The following KYNU variants were observed in gnomAD, a reference collection of about 807,000 sequenced individuals.
KYNU encodes the protein kynureninase.
In KYNU, 54 loss-of-function variants were observed where a neutral mutation model predicts 59.2. The ratio of observed to expected loss-of-function variants is 0.91; its 90% confidence interval spans 0.73 to 1.14. The LOEUF is 1.14. Among genes scored for constraint, KYNU ranks in the 50% most tolerant of loss-of-function variants. The pLI, the probability that KYNU is intolerant of heterozygous loss-of-function variation, is 0.00. For missense variants in KYNU, 567 were observed against 554.4 expected (o/e 1.02, Z -0.23); for synonymous variants, 177 against 192.0 (o/e 0.92, Z 0.65).
At chr2:142,941,767 G>A (rs1471704438) in intron 4 of KYNU, among the ~76,000 whole-genome samples, 3 of 152,096 alleles carry the variant, frequency 2.0e-5, no homozygotes, top group African/African-American at 7.2e-5. Context: ...ATCGATAAAG[G>A]AGCATCTGTT....
chr2:142,881,916 C>CTTTTTTTTTTTTTTTT (rs869099302), intron 1 of KYNU, among the ~76,000 whole-genome samples: 6 of 113,172 alleles, frequency 5.3e-5, no homozygotes, highest in Non-Finnish European at 7.0e-5. Flanking sequence ...TTTCTTTTTT[C>CTTTTTTTTTTTTTTTT]TTTTTTTTTT....
In KYNU at chr2:142,920,182, G is replaced by A. The variant is rs1416336856; in HGVS notation, c.290+1453G>A. ...TAAGAACGTAATTTCACAACTTGAT[G>A]TAAGAATGATAGTTTATATAATTTA... On this transcript the variant is annotated intron_variant, in intron 3 of 13. Transcript: ENST00000264170. Among the ~76,000 whole-genome samples the A allele has an allele frequency of 2.6e-5, 4 of 152,302 alleles. No individual in the cohort carries two copies. In the Middle Eastern group the frequency reaches 0.014, roughly 518 times the overall value.
Position 142,960,390 on chromosome 2 carries a change from C to T in KYNU, c.583-234C>T, listed in dbSNP as rs139436595. Among the ~76,000 whole-genome samples the T allele has an allele frequency of 7.3e-4, 111 of 152,104 alleles. 1 individual carries two copies. In the East Asian group the frequency reaches 0.012, roughly 16 times the overall value. ...AAACTGGAGAATAAATCAAGCAATT[C>T]GGCTTTTGAAGACTTTCACTTGAAA... On this transcript the variant is annotated intron_variant, in intron 7 of 13. Transcript: ENST00000264170.
intron 2 of KYNU, among the ~76,000 whole-genome samples, chr2:142,914,348 T>A (rs891484371): frequency 6.6e-6 from 1 of 152,226 alleles, no homozygotes; most frequent in Non-Finnish European, 1.5e-5. Context: ...CAACATGACA[T>A]CTTAGATGAT....
chr2:142,885,489 A>G lies in KYNU; in HGVS notation c.122A>G (p.His41Arg). The G allele has an allele frequency of 6.2e-7, 1 of 1,614,026 alleles. No homozygotes were observed. Among genetic ancestry groups the G allele is most frequent in the Non-Finnish European group, 8.5e-7 (1 of 1,180,018 alleles). Residue 41 changes from histidine (H) to arginine (R), a missense_variant, in exon 2 of 14, where the codon CAC (histidine) becomes CGC (arginine). His to Arg is a conservative substitution (Grantham distance 29, BLOSUM62 0). Coordinates refer to ENST00000264170, the MANE Select transcript of KYNU (RefSeq NM_003937.3). ...LHLDEEDKLR[H>R]FRECFYIPKI... ...CTAGATGAGGAAGATAAGCTGAGGCACTTCAGGGAGTGCTTTTATATTCCC... is the reference window on the plus strand; with the variant it reads ...CTAGATGAGGAAGATAAGCTGAGGCGCTTCAGGGAGTGCTTTTATATTCCC...
chr2:142,986,006 A>G lies in KYNU; in HGVS notation c.887A>G (p.His296Arg), dbSNP rs1178684440. Residue 296 changes from histidine (H) to arginine (R), a missense_variant, in exon 10 of 14, where the codon CAT (histidine) becomes CGT (arginine). Transcript: ENST00000264170. ...AGAFIHEKHAHTIKPALVGWF... is the reference protein window; with the variant it reads ...AGAFIHEKHARTIKPALVGWF... ...GCCTTCATTCATGAAAAGCATGCCC[A>G]TACGATTAAACCTGCGTGAGTACCA... 5.0e-6 allele frequency: 8 copies of G among 1,610,026 alleles called. No individual in the cohort carries two copies. The highest frequency in any genetic ancestry group is 5.9e-6 in the Non-Finnish European group (7 of 1,176,992).
intron 10 of KYNU, among the ~76,000 whole-genome samples, chr2:143,018,084 A>G (rs566263173): frequency 1.4e-4 from 21 of 152,196 alleles, no homozygotes; most frequent in Admixed American, 6.5e-4. Context: ...CTCCCATTCT[A>G]TAGGTTGTAT....
intron 10 of KYNU, among the ~76,000 whole-genome samples, chr2:143,005,403 C>T (rs953935441): frequency 1.3e-5 from 2 of 152,114 alleles, no homozygotes; most frequent in Non-Finnish European, 2.9e-5. Context: ...GAACAAGGCC[C>T]TGCTCATAAG....
chr2:142,932,799 G>T (rs543568158), intron 4 of KYNU, among the ~76,000 whole-genome samples: 10 of 151,898 alleles, frequency 6.6e-5, no homozygotes, highest in Admixed American at 3.3e-4. Context: ...CCAGCATGCC[G>T]GCGTCCTTGC....
chr2:142,969,734 A>T (rs1684661344), intron 8 of KYNU, among the ~76,000 whole-genome samples: 1 of 152,196 alleles, frequency 6.6e-6, no homozygotes, highest in East Asian at 1.9e-4. Context: ...AGCCACCCTT[A>T]TCAAAGCCAT....
At position 143,055,679 on chromosome 2, in the gene KYNU, G is replaced by A. The variant is rs912447214; in HGVS notation, c.*13507G>A. 6.6e-6 allele frequency: 1 copy of A among 152,172 alleles called. No homozygotes were observed. Among genetic ancestry groups the A allele is most frequent in the African/African-American group, 2.4e-5 (1 of 41,326 alleles). 9.4% of individuals were successfully genotyped at this position (152,172 alleles called of 1,614,324 possible). On this transcript the variant is annotated 3_prime_UTR_variant, in exon 14 of 14. Transcript: ENST00000264170. ...GGAAGGAAGGAAGGAAGGAAGGAAG[G>A]AAGGAAAGGGAGGAGAGGAGAGGAG...
At chr2:142,988,458 T>C (rs1478509376) in intron 10 of KYNU, among the ~76,000 whole-genome samples, 2 of 151,978 alleles carry the variant, frequency 1.3e-5, no homozygotes, top group Admixed American at 6.6e-5. Context: ...GGAGATATAA[T>C]CTCTCTTATA....
At position 142,960,631 on chromosome 2, in the gene KYNU, A is replaced by G. The variant is rs1230304188; in HGVS notation, c.590A>G (p.Glu197Gly). ...MRMIKPREGE[E>G]TLRIEDILEV... ...GTGCCTAACTTGATTTAGGGGGAAG[A>G]AACCTTAAGAATAGAGGATATCCTT... Residue 197 changes from glutamate (E) to glycine (G), a missense_variant, in exon 8 of 14, where the codon GAA becomes GGA. Glu to Gly is a moderately conservative substitution (Grantham distance 98). Transcript: ENST00000264170. 1 of 1,613,614 alleles carries G rather than the reference A, an allele frequency of 6.2e-7. No homozygotes were observed. Among genetic ancestry groups the G allele is most frequent in the South Asian group, 1.1e-5 (1 of 91,064 alleles).
At position 143,047,402 on chromosome 2, in the gene KYNU, A is replaced by G. The variant is rs1349784252; in HGVS notation, c.*5230A>G. 1.3e-5 allele frequency: 2 copies of G among 152,164 alleles called. No homozygotes were observed. Among genetic ancestry groups the G allele is most frequent in the African/African-American group, 4.8e-5 (2 of 41,436 alleles). The allele number at this position is 152,164 out of a possible 1,614,324, so 9.4% of individuals were successfully genotyped here. On this transcript the variant is annotated 3_prime_UTR_variant, in exon 14 of 14. Coordinates refer to ENST00000264170, the MANE Select transcript of KYNU (RefSeq NM_003937.3). Reference sequence around the variant, plus strand: ...TGTGTTATCTTTTATAAAATTTAACATTTAACTGATAATTGATACTGTATA... The same window carrying G: ...TGTGTTATCTTTTATAAAATTTAACGTTTAACTGATAATTGATACTGTATA...
intron 9 of KYNU, 108 bp downstream of exon 9, chr2:142,985,290 T>C: frequency 1.4e-6 from 1 of 734,248 alleles, no homozygotes; most frequent in Non-Finnish European, 2.5e-6. Context: ...ACTTTCCCTA[T>C]TTCTTTTATT....
chr2:142,880,096 TG>T (rs2105016012), intron 1 of KYNU, among the ~76,000 whole-genome samples: 1 of 152,318 alleles, frequency 6.6e-6, no homozygotes, highest in South Asian at 2.1e-4. Flanking sequence ...CAACCAATTT[TG>T]TTTATTCTCT....
rs1687328287 is a variant in KYNU, at chr2:143,054,910, A to T, written c.*12738A>T. The T allele has an allele frequency of 6.6e-6, 1 of 152,194 alleles. No individual in the cohort carries two copies. Among genetic ancestry groups the T allele is most frequent in the Non-Finnish European group, 1.5e-5 (1 of 68,030 alleles). The allele number at this position is 152,194 out of a possible 1,614,324, so 9.4% of individuals were successfully genotyped here. On this transcript the variant is annotated 3_prime_UTR_variant, in exon 14 of 14. Coordinates refer to ENST00000264170, the MANE Select transcript of KYNU (RefSeq NM_003937.3). ...TCTTCATTCAAAGACCAACTATAAA[A>T]AGACATTGTTGTGAGAATTGAGGAA...
chr2:142,997,108 C>CT (rs1485022056), intron 10 of KYNU, among the ~76,000 whole-genome samples: 1 of 152,114 alleles, frequency 6.6e-6, no homozygotes, highest in African/African-American at 2.4e-5. Flanking sequence ...ACATTCTTAT[C>CT]TTTTTCCTTT....
chr2:142,880,461 GGAATC>G (rs1681256029), intron 1 of KYNU, among the ~76,000 whole-genome samples: 1 of 152,076 alleles, frequency 6.6e-6, no homozygotes, highest in African/African-American at 2.4e-5. Flanking sequence ...ACTTGCTGCT[GGAATC>G]ACTTCATGCT....
Sources: allele counts gnomAD v4.1 joint callset (sites outside exome capture counted in the v4.1 genomes callset), GRCh38; gene constraint gnomAD v4.1.1; transcripts MANE v1.5; gene names NCBI Gene and HGNC (gene_info 2026-07-23, HGNC 2026-07-21).